The following ATM variants were observed in gnomAD, a reference collection of about 807,000 sequenced individuals.
ATM encodes serine-protein kinase ATM.
In ATM, 308 loss-of-function variants were observed where a neutral mutation model predicts 387.0. That is an observed-to-expected ratio of 0.80 (90% CI 0.73 to 0.87). The LOEUF is 0.87. Ranked by LOEUF, ATM falls within the 40% of genes least tolerant of loss-of-function variation. The probability of loss-of-function intolerance (pLI) is 0.00; values close to 1 mark genes in which losing one functional copy is unlikely to be tolerated. For synonymous variants in ATM, 1,156 were observed against 1,187.3 expected (o/e 0.97, Z 0.54); for missense variants, 3,312 against 3,560.9 (o/e 0.93, Z 1.78).
At chr11:108,350,802 A>C (rs2089108783) in intron 59 of ATM, among the ~76,000 whole-genome samples, 1 of 152,206 alleles carries the variant, frequency 6.6e-6, no homozygotes, top group African/African-American at 2.4e-5. Flanking sequence ...TGCCAACCTG[A>C]GTCCATTCAG....
intron 61 of ATM, among the ~76,000 whole-genome samples, chr11:108,356,371 A>G (rs1186261188): frequency 6.6e-6 from 1 of 152,044 alleles, no homozygotes; most frequent in Non-Finnish European, 1.5e-5. Context: ...CCCCGTCTCT[A>G]ATAAAAATGC....
rs587779874 is a variant in ATM, at chr11:108,347,362, C to A, written c.8668C>A (p.Leu2890Ile). The change falls in exon 59 of 63, where the codon CTA (leucine) becomes ATA (isoleucine). Residue 2890 changes from leucine to isoleucine, a missense_variant. Leu to Ile is a conservative substitution (Grantham distance 5). Coordinates refer to ENST00000675843, the MANE Select transcript of ATM (RefSeq NM_000051.4). ...EQSAELVHID[L>I]GVAFEQGKIL... ...GTCAGCAGAACTTGTACATATAGAT[C>A]TAGGTAAGTAATAAAATCTATGTAT... 6.3e-7 allele frequency: 1 copy of A among 1,586,006 alleles called. No homozygotes were observed. Among genetic ancestry groups the A allele is most frequent in the Non-Finnish European group, 8.7e-7 (1 of 1,155,044 alleles).
At chr11:108,255,418 T>C (rs941843329) in intron 13 of ATM, among the ~76,000 whole-genome samples, 65 of 133,662 alleles carry the variant, frequency 4.9e-4, no homozygotes, top group African/African-American at 1.7e-3. Context: ...TAAAATTGTC[T>C]AAACTTTTTT....
chr11:108,276,674 C>G (rs1304132405), intron 22 of ATM, among the ~76,000 whole-genome samples: 1 of 152,166 alleles, frequency 6.6e-6, no homozygotes, highest in East Asian at 1.9e-4. Context: ...CCCTGTTTGC[C>G]TGGGTATCAT....
intron 58 of ATM, chr11:108,346,388 A>G (rs2088401087): frequency 1.3e-5 from 2 of 153,402 alleles, no homozygotes; most frequent in African/African-American, 4.8e-5. Context: ...TGTACAATAT[A>G]TATTTTGACT....
At position 108,271,312 on chromosome 11, in the gene ATM, C is replaced by T. The variant is rs587779831; in HGVS notation, c.2983C>T (p.Leu995Phe). ...DVCKTILNHV[L>F]HVVKNLGQSN... ...TTGTAAAACTATTTTAAACCATGTC[C>T]TTCATGTAGTGAAAAACCTAGGTCA... The change falls in exon 20 of 63, where the codon CTT (leucine) becomes TTT (phenylalanine). Residue 995 changes from leucine (L) to phenylalanine (F), a missense_variant. By Grantham distance (22) the Leu-to-Phe change is conservative. Transcript: ENST00000675843. 6.2e-7 allele frequency: 1 copy of T among 1,613,272 alleles called. No individual in the cohort carries two copies. Among genetic ancestry groups the T allele is most frequent in the African/African-American group, 1.3e-5 (1 of 74,642 alleles).
intron 17 of ATM, among the ~76,000 whole-genome samples, chr11:108,267,557 C>G (rs2081328308): frequency 6.6e-6 from 1 of 151,520 alleles, no homozygotes; most frequent in South Asian, 2.1e-4. Flanking sequence ...CTTAAGATAA[C>G]TATTAAAGAA....
chr11:108,347,308 CAT>C lies in ATM; in HGVS notation c.8615_8616del (p.His2872ArgfsTer8), dbSNP rs1232259438. Reference protein sequence around the residue: ...VGYILGLGDRHVQNILINEQS... With the variant: ...VGYILGLGDRXVQNILINEQS... ...TTACATACTTGGACTTGGTGATAGACATGTACAGAATATCTTGATAAATGAGC... is the reference window on the plus strand; with the variant it reads ...TTACATACTTGGACTTGGTGATAGACGTACAGAATATCTTGATAAATGAGC... On this transcript the variant is annotated frameshift_variant, in exon 59 of 63. Transcript: ENST00000675843. LOFTEE classifies it high-confidence loss of function. The C allele has an allele frequency of 1.2e-6, 2 of 1,611,476 alleles. No homozygotes were observed. The highest frequency in any genetic ancestry group is 3.3e-5 in the Admixed American group (2 of 59,990).
intron 59 of ATM, among the ~76,000 whole-genome samples, chr11:108,349,736 G>A (rs778564760): frequency 3.6e-4 from 55 of 152,168 alleles, no homozygotes; most frequent in Admixed American, 5.2e-4. Context: ...TTTGCTGCAG[G>A]AATGAGAGAC....
rs756566019 is a variant in ATM at position 108,280,975 on chromosome 11, T to TC, written c.3403-20_3403-19insC. The TC allele has an allele frequency of 1.0e-5, 16 of 1,536,808 alleles. No homozygotes were observed. Among genetic ancestry groups the TC allele is most frequent in the Non-Finnish European group, 1.4e-5 (16 of 1,137,226 alleles). ...ACATTTACATTTTACATTACATTTTTTTTTTAATTTCTTTTTAAGTCCCAT... is the reference window on the plus strand; with the variant it reads ...ACATTTACATTTTACATTACATTTTTCTTTTTAATTTCTTTTTAAGTCCCAT... On this transcript the variant is annotated intron_variant, in intron 23 of 62. Transcript: ENST00000675843.
Position 108,246,967 on chromosome 11 carries a change from C to T in ATM, c.905C>T (p.Ala302Val), listed in dbSNP as rs778442248. The T allele has an allele frequency of 3.1e-6, 5 of 1,608,652 alleles. No homozygotes were observed. The South Asian group carries it at 4.4e-5, about 14-fold the overall frequency. Residue 302 changes from alanine (A) to valine (V), a missense_variant, in exon 8 of 63, where the codon GCT becomes GTT. By Grantham distance (64) the Ala-to-Val change is moderately conservative. Around this residue, in one of 4 missense-constraint regions of ATM, gnomAD observed 1,791 missense variants for 1,804.5 expected, o/e 0.99. Transcript: ENST00000675843. ...ATTTTAATTTTTTGGATTACAGGTG[C>T]TTATGAATCAACAAAATGGAGAAGT... The part of the protein sequence containing the change: ...PKGAKTQEKG[A>V]YESTKWRSIL...
rs367605924 is a variant in ATM, at chr11:108,247,975, C to G, written c.1065+848C>G. Reference sequence around the variant, plus strand: ...ATTCCCTGCATCTCCTAGATCCTGGCAACCAGCCACTAATCAATCTTGGTT... The same window carrying G: ...ATTCCCTGCATCTCCTAGATCCTGGGAACCAGCCACTAATCAATCTTGGTT... On this transcript the variant is annotated intron_variant, in intron 8 of 62. Transcript: ENST00000675843. Among the ~76,000 whole-genome samples the G allele has an allele frequency of 1.2e-4, 19 of 152,304 alleles. 1 individual carries two copies. In the East Asian group the frequency reaches 1.3e-3, roughly 11 times the overall value.
intron 1 of ATM, chr11:108,226,058 ACATT>A (rs1361089735): frequency 1.3e-5 from 2 of 152,188 alleles, no homozygotes; most frequent in African/African-American, 2.4e-5. Flanking sequence ...CTGTTTACAG[ACATT>A]CATAGTTTAA....
In ATM at chr11:108,271,070, A is replaced by T. The variant is rs1348704826; in HGVS notation, c.2845A>T (p.Met949Leu). 2 of 1,613,738 alleles carry T rather than the reference A, an allele frequency of 1.2e-6. No homozygotes were observed. The highest frequency in any genetic ancestry group is 1.7e-6 in the Non-Finnish European group (2 of 1,179,710). ...TTCCCTCCTACCATCTTAGTATCTAATGCTTTTAAAGGAGCTTCCTGGAGA... is the reference window on the plus strand; with the variant it reads ...TTCCCTCCTACCATCTTAGTATCTATTGCTTTTAAAGGAGCTTCCTGGAGA... Reference protein sequence around the residue: ...TKSLHLHMYLMLLKELPGEEY... With the variant: ...TKSLHLHMYLLLLKELPGEEY... The change falls in exon 19 of 63, where the codon ATG becomes TTG. Residue 949 changes from methionine to leucine, a missense_variant. By Grantham distance (15) the Met-to-Leu change is conservative (BLOSUM62 2). This residue lies in a region of ATM where 1,791 missense variants were observed against 1,804.5 expected (regional missense o/e 0.99). Transcript: ENST00000675843.
intron 5 of ATM, among the ~76,000 whole-genome samples, chr11:108,238,948 T>C (rs2079430897): frequency 2.0e-5 from 3 of 152,190 alleles, no homozygotes; most frequent in Non-Finnish European, 2.9e-5. Context: ...CAGTAAACAA[T>C]GATTTACCAT....
rs565533028 is a variant in ATM, at chr11:108,306,360, A to C, written c.5674+1508A>C. On this transcript the variant is annotated intron_variant, in intron 37 of 62. Transcript: ENST00000675843. Reference sequence around the variant, plus strand: ...AATTCTCATAGAGGCTTTGTAAACTATCTAAAATGTATCTCTTATCTTTAA... The same window carrying C: ...AATTCTCATAGAGGCTTTGTAAACTCTCTAAAATGTATCTCTTATCTTTAA... Among the ~76,000 whole-genome samples, 4 of 152,296 alleles carry C rather than the reference A, an allele frequency of 2.6e-5. No individual in the cohort carries two copies. The East Asian group carries it at 7.7e-4, about 29-fold the overall frequency.
intron 31 of ATM, 35 bp from the exon 32 acceptor site, chr11:108,294,892 T>TA: frequency 6.2e-7 from 1 of 1,611,590 alleles, no homozygotes; most frequent in Non-Finnish European, 8.5e-7. Context: ...GCTTAACCAA[T>TA]ACGTGTTAAA....
chr11:108,246,310 A>G (rs1377360863), intron 7 of ATM, among the ~76,000 whole-genome samples: 3 of 152,148 alleles, frequency 2.0e-5, no homozygotes, highest in South Asian at 2.1e-4. Flanking sequence ...AGGTGATATG[A>G]TATGTTTAGG....
intron 16 of ATM, among the ~76,000 whole-genome samples, chr11:108,263,977 T>G (rs1202162254): frequency 3.4e-5 from 5 of 148,454 alleles, no homozygotes; most frequent in African/African-American, 1.3e-4. Flanking sequence ...TCAGAAATTG[T>G]GGCAATAATC....
Sources: allele counts gnomAD v4.1 joint callset (sites outside exome capture counted in the v4.1 genomes callset), GRCh38; gene constraint gnomAD v4.1.1; regional missense constraint gnomAD v4.1.1; transcripts MANE v1.5; gene names NCBI Gene and HGNC (gene_info 2026-07-23, HGNC 2026-07-21).